The following CHDH variants were observed in gnomAD, a reference collection of about 807,000 sequenced individuals.
The protein encoded by CHDH is choline dehydrogenase.
Under a neutral mutation model 56.9 loss-of-function variants are expected in CHDH, and 43 were observed. The observed-to-expected ratio is 0.76, with a 90% CI of 0.59 to 0.97. The LOEUF is 0.97. CHDH is among the 50% of genes least tolerant of loss of function. CHDH has a pLI of 0.00. For synonymous variants in CHDH, 364 were observed against 348.5 expected (o/e 1.04, Z -0.50); for missense variants, 816 against 821.1 (o/e 0.99, Z 0.08).
At chr3:53,822,354 C>T in intron 4 of CHDH, 137 bp downstream of exon 4, 1 of 782,924 alleles carries the variant, frequency 1.3e-6, no homozygotes, top group Non-Finnish European at 2.0e-6. Context: ...CCATCAGCTA[C>T]TCGCCCCTCC....
intron 2 of CHDH, among the ~76,000 whole-genome samples, chr3:53,827,525 G>C (rs2095641156): frequency 6.6e-6 from 1 of 152,114 alleles, no homozygotes; most frequent in Non-Finnish European, 1.5e-5. Context: ...ACTGGGTGTG[G>C]TGGTGCATAC....
chr3:53,817,498 C>T lies in CHDH; in HGVS notation c.*279G>A, dbSNP rs1267181834. 1 of 452,680 alleles carries T rather than the reference C, an allele frequency of 2.2e-6. No homozygotes were observed. The highest frequency in any genetic ancestry group is 2.0e-5 in the African/African-American group (1 of 51,182). The allele number at this position is 452,680 out of a possible 1,614,324, so 28.0% of individuals were successfully genotyped here. On this transcript the variant is annotated 3_prime_UTR_variant, in exon 9 of 9. Transcript: ENST00000315251. ...GGATGCGGCAGGAGTTAACCATCCT[C>T]CCCTTCTGTCCCTCCAGGAGGCAGG...
At chr3:53,837,348 C>A (rs1432189367) in intron 2 of CHDH, among the ~76,000 whole-genome samples, 2 of 152,246 alleles carry the variant, frequency 1.3e-5, no homozygotes, top group Non-Finnish European at 2.9e-5. Flanking sequence ...TACCACTTGG[C>A]CCCTTGTGCC....
At chr3:53,839,581 C>G (rs1698610228) in intron 2 of CHDH, among the ~76,000 whole-genome samples, 1 of 152,188 alleles carries the variant, frequency 6.6e-6, no homozygotes. Flanking sequence ...TTAAACTCAC[C>G]CTTTCAGGAA....
chr3:53,830,739 T>C (rs61124991), intron 2 of CHDH, among the ~76,000 whole-genome samples: 6,340 of 152,244 alleles, frequency 0.042, 294 homozygotes, highest in East Asian at 0.21. Flanking sequence ...GGAGAGACCA[T>C]ATGTTAGGCA....
intron 1 of CHDH, among the ~76,000 whole-genome samples, chr3:53,845,828 G>A (rs1698857546): frequency 6.6e-6 from 1 of 152,244 alleles, no homozygotes. Context: ...TTACCAGAAA[G>A]CCTGGGGTCG....
chr3:53,840,432 G>A (rs1698634574), intron 2 of CHDH, among the ~76,000 whole-genome samples: 1 of 152,048 alleles, frequency 6.6e-6, no homozygotes, highest in African/African-American at 2.4e-5. Flanking sequence ...GAAGGCTGAG[G>A]TGGGAGGATT....
chr3:53,821,895 G>T, intron 4 of CHDH, 119 bp from the exon 5 acceptor site: 2 of 1,323,686 alleles, frequency 1.5e-6, no homozygotes, highest in Non-Finnish European at 2.1e-6. Flanking sequence ...GAATCCTGTG[G>T]CACACCCGGG....
intron 8 of CHDH, 50 bp downstream of exon 8, chr3:53,818,888 C>T (rs1205097809): frequency 8.7e-7 from 1 of 1,148,086 alleles, no homozygotes; most frequent in South Asian, 1.2e-5. Context: ...AGGAACCCCA[C>T]AAAGGCATTC....
Position 53,813,595 on chromosome 3 carries a change from G to A in CHDH, c.*4182C>T, listed in dbSNP as rs569394088. On this transcript the variant is annotated 3_prime_UTR_variant, in exon 9 of 9. Coordinates refer to ENST00000315251, the MANE Select transcript of CHDH (RefSeq NM_018397.5). ...AAATTGCCAGACCAGGACCCTAAGT[G>A]TCTGATAGAGGCGATGATCTTTTCC... The A allele has an allele frequency of 1.2e-4, 19 of 152,364 alleles. No individual in the cohort carries two copies. Among genetic ancestry groups the A allele is most frequent in the African/African-American group, 3.8e-4 (16 of 41,584 alleles). 9.4% of individuals were successfully genotyped at this position (152,364 alleles called of 1,614,324 possible).
intron 2 of CHDH, among the ~76,000 whole-genome samples, chr3:53,827,009 G>A (rs1427737459): frequency 6.6e-6 from 1 of 152,150 alleles, no homozygotes; most frequent in African/African-American, 2.4e-5. Context: ...CCCAGGCTGG[G>A]TGCAGTGGCC....
Position 53,814,577 on chromosome 3 carries a change from G to A in CHDH, c.*3200C>T, listed in dbSNP as rs931646690. 54 of 152,258 alleles carry A rather than the reference G, an allele frequency of 3.5e-4. No homozygotes were observed. Among genetic ancestry groups the A allele is most frequent in the African/African-American group, 1.1e-3 (45 of 41,540 alleles). The allele number at this position is 152,258 out of a possible 1,614,324, so 9.4% of individuals were successfully genotyped here. A position where few individuals can be genotyped will look rare whatever the true frequency, so the allele number is the denominator to read the frequency against. Reference sequence around the variant, plus strand: ...ATTTTATCTTTAAAAAATCTGTATTGGATCTGATGTTAAGTTGGCTTATCA... The same window carrying A: ...ATTTTATCTTTAAAAAATCTGTATTAGATCTGATGTTAAGTTGGCTTATCA... On this transcript the variant is annotated 3_prime_UTR_variant, in exon 9 of 9. Coordinates refer to ENST00000315251, the MANE Select transcript of CHDH (RefSeq NM_018397.5).
rs144235459 is a variant in CHDH at position 53,845,572 on chromosome 3, CCA to C, written c.-131+509_-131+510del. Among the ~76,000 whole-genome samples, 1,098 of 152,290 alleles carry C rather than the reference CCA, an allele frequency of 7.2e-3. 15 individuals are homozygous for C. The highest frequency in any genetic ancestry group is 0.025 in the African/African-American group (1,042 of 41,564). ...GATTTTTGTGAACTTTCCCCCAAACCCACTGTGTCTCAAAGGATGGTCCCTGG... is the reference window on the plus strand; with the variant it reads ...GATTTTTGTGAACTTTCCCCCAAACCCTGTGTCTCAAAGGATGGTCCCTGG... On this transcript the variant is annotated intron_variant, in intron 1 of 8. Transcript: ENST00000315251.
intron 2 of CHDH, among the ~76,000 whole-genome samples, chr3:53,837,914 C>T (rs956375537): frequency 3.9e-5 from 6 of 151,904 alleles, no homozygotes; most frequent in African/African-American, 1.2e-4. Context: ...AAAAATTAGC[C>T]GGGTGTGGTG....
chr3:53,822,444 T>C (rs1336840915), intron 4 of CHDH, 47 bp downstream of exon 4: 1 of 1,558,154 alleles, frequency 6.4e-7, no homozygotes, highest in African/African-American at 1.3e-5. Flanking sequence ...ACCACCAGGG[T>C]CACTGCCCAC....
chr3:53,829,962 G>A (rs1346017879), intron 2 of CHDH, among the ~76,000 whole-genome samples: 3 of 152,018 alleles, frequency 2.0e-5, no homozygotes, highest in Non-Finnish European at 4.4e-5. Context: ...CCCTCCATGG[G>A]CAACCACAAG....
chr3:53,828,157 A>G (rs1698208050), intron 2 of CHDH, among the ~76,000 whole-genome samples: 1 of 131,808 alleles, frequency 7.6e-6, no homozygotes, highest in African/African-American at 2.9e-5. Context: ...GAGCTGGAAT[A>G]ACTAGACACA....
At chr3:53,833,714 T>C (rs912450176) in intron 2 of CHDH, among the ~76,000 whole-genome samples, 3 of 152,160 alleles carry the variant, frequency 2.0e-5, no homozygotes, top group Admixed American at 2.0e-4. Context: ...CCCAGCCCAC[T>C]CTGTTTCCTG....
At position 53,819,428 on chromosome 3, in the gene CHDH, A is replaced by C. The variant is rs1021621050; in HGVS notation, c.1263+104T>G. The stretch of plus-strand genomic sequence containing the variant: ...CAGGCCTCTGTGTCCCCCACTCTGC[A>C]GCCATATGGCACCAGGGAGAATGCT... On this transcript the variant is annotated intron_variant, in intron 7 of 8. Transcript: ENST00000315251. This position sits in a 1 kb window ranked among gnomAD's most constrained non-coding sequence, Gnocchi z 5.4. 11 of 1,445,884 alleles carry C rather than the reference A, an allele frequency of 7.6e-6. No individual in the cohort carries two copies. In the East Asian group the frequency reaches 2.3e-4, roughly 30 times the overall value. The allele number at this position is 1,445,884 out of a possible 1,614,324, so 89.6% of individuals were successfully genotyped here. A position where few individuals can be genotyped will look rare whatever the true frequency, so the allele number is the denominator to read the frequency against.
Sources: allele counts gnomAD v4.1 joint callset (sites outside exome capture counted in the v4.1 genomes callset), GRCh38; gene constraint gnomAD v4.1.1; non-coding constraint Gnocchi (gnomAD v3.1); transcripts MANE v1.5; gene names NCBI Gene and HGNC (gene_info 2026-07-23, HGNC 2026-07-21).